The following SNX14 variants were observed in gnomAD, a reference collection of about 807,000 sequenced individuals.
The protein encoded by SNX14 is sorting nexin-14.
Under a neutral mutation model 133.8 loss-of-function variants are expected in SNX14, and 93 were observed. The ratio of observed to expected loss-of-function variants is 0.70; its 90% CI spans 0.59 to 0.83. SNX14 has a LOEUF of 0.83. SNX14 is among the 40% of genes least tolerant of loss of function. The pLI is 0.00. For synonymous variants in SNX14, 368 were observed against 365.6 expected, an observed-to-expected ratio of 1.01 and a Z score of -0.07; for missense variants, 945 against 1,094.9, an observed-to-expected ratio of 0.86 and a Z score of 1.93.
At chr6:85,572,418 A>T in intron 2 of SNX14, 44 bp from the exon 3 acceptor site, 3 of 1,375,528 alleles carry the variant, frequency 2.2e-6, no homozygotes, top group Non-Finnish European at 1.0e-6. Context: ...CCATCTTTAC[A>T]TAACATCTTT....
At chr6:85,515,054 C>T (rs1434174312) in intron 23 of SNX14, among the ~76,000 whole-genome samples, 1 of 152,006 alleles carries the variant, frequency 6.6e-6, no homozygotes, top group African/African-American at 2.4e-5. Context: ...CACCTGAGCT[C>T]GCAAGTTTGA....
intron 17 of SNX14, among the ~76,000 whole-genome samples, chr6:85,535,080 G>A (rs1484117355): frequency 7.1e-6 from 1 of 141,240 alleles, no homozygotes; most frequent in Admixed American, 7.4e-5. Context: ...CCAGGCTGTA[G>A]TACAGTGACA....
chr6:85,526,304 T>C, intron 20 of SNX14, 67 bp from the exon 21 acceptor site: 1 of 952,096 alleles, frequency 1.1e-6, no homozygotes, highest in Non-Finnish European at 1.6e-6. Flanking sequence ...AACTGTATTT[T>C]AATTTCTTTA....
chr6:85,547,468 T>C (rs1582825419), intron 10 of SNX14, 38 bp downstream of exon 10: 4 of 1,604,950 alleles, frequency 2.5e-6, no homozygotes, highest in Non-Finnish European at 3.4e-6. Context: ...CAAAATTCAA[T>C]GCAATCTGAA....
intron 5 of SNX14, among the ~76,000 whole-genome samples, chr6:85,566,521 A>C (rs879679047): frequency 5.3e-5 from 8 of 152,040 alleles, no homozygotes; most frequent in Non-Finnish European, 1.0e-4. Flanking sequence ...AACATGGGGA[A>C]ACCCCATCTC....
At chr6:85,552,803 A>T (rs1788287197) in intron 7 of SNX14, among the ~76,000 whole-genome samples, 1 of 152,168 alleles carries the variant, frequency 6.6e-6, no homozygotes, top group Non-Finnish European at 1.5e-5. Flanking sequence ...TTTCTTCCTG[A>T]GGGGCCTGGA....
chr6:85,582,291 G>A (rs1799280468), intron 1 of SNX14, among the ~76,000 whole-genome samples: 1 of 152,074 alleles, frequency 6.6e-6, no homozygotes, highest in Non-Finnish European at 1.5e-5. Context: ...GGAGAAATAA[G>A]GACTTTCCCA....
chr6:85,530,943 T>C (rs949385083), intron 18 of SNX14, among the ~76,000 whole-genome samples: 1 of 152,200 alleles, frequency 6.6e-6, no homozygotes, highest in Non-Finnish European at 1.5e-5. Context: ...TCTCAAATAT[T>C]TACCATATTG....
At chr6:85,559,143 T>C (rs929325503) in intron 6 of SNX14, among the ~76,000 whole-genome samples, 3 of 152,104 alleles carry the variant, frequency 2.0e-5, no homozygotes, top group African/African-American at 7.2e-5. Flanking sequence ...GTGATAAATC[T>C]AGTAAGTATG....
intron 28 of SNX14, 86 bp downstream of exon 28, chr6:85,507,147 G>A: frequency 4.9e-6 from 6 of 1,215,356 alleles, no homozygotes; most frequent in Non-Finnish European, 7.1e-6. Context: ...AGAGACAAGG[G>A]TTTTCTTACA....
intron 15 of SNX14, among the ~76,000 whole-genome samples, chr6:85,540,257 C>T (rs536500996): frequency 6.6e-6 from 1 of 152,290 alleles, no homozygotes; most frequent in South Asian, 2.1e-4. Context: ...CCATCACGCC[C>T]GGCCATCTAC....
chr6:85,575,166 T>C (rs1015764261), intron 1 of SNX14, among the ~76,000 whole-genome samples: 8 of 152,168 alleles, frequency 5.3e-5, no homozygotes, highest in Admixed American at 1.3e-4. Context: ...CCAAATAATA[T>C]AGTGTGATAT....
intron 26 of SNX14, among the ~76,000 whole-genome samples, chr6:85,509,536 T>C (rs1685808229): frequency 6.6e-6 from 1 of 152,188 alleles, no homozygotes; most frequent in African/African-American, 2.4e-5. Flanking sequence ...ACTTTACTTT[T>C]TAAAGTAGTT....
intron 4 of SNX14, among the ~76,000 whole-genome samples, chr6:85,569,388 C>T (rs1458947626): frequency 6.6e-6 from 1 of 152,154 alleles, no homozygotes; most frequent in Non-Finnish European, 1.5e-5. Flanking sequence ...CCACATCATC[C>T]TCTTGCATGA....
At chr6:85,515,670 C>T (rs1156719309) in intron 23 of SNX14, among the ~76,000 whole-genome samples, 1 of 152,088 alleles carries the variant, frequency 6.6e-6, no homozygotes, top group Non-Finnish European at 1.5e-5. Flanking sequence ...TTAACACAGA[C>T]ACATACTTAA....
At chr6:85,582,522 A>T (rs1320507874) in intron 1 of SNX14, among the ~76,000 whole-genome samples, 1 of 152,114 alleles carries the variant, frequency 6.6e-6, no homozygotes, top group Non-Finnish European at 1.5e-5. Flanking sequence ...GATTAGCAAA[A>T]TAGACCACTA....
rs576244055 is a variant in SNX14 at position 85,562,947 on chromosome 6, T to C, written c.549+2385A>G. ...AAACTGCCCTCAAATGTGAGAACTA[T>C]ACCAATTTGAATTTGAACTTGTTTT... is the stretch of plus-strand genomic sequence containing the variant. On this transcript the variant is annotated intron_variant, in intron 6 of 28. Transcript: ENST00000314673. Among the ~76,000 whole-genome samples the C allele has an allele frequency of 6.6e-5, 10 of 152,242 alleles. No homozygotes were observed. The South Asian group carries it at 1.7e-3, about 25-fold the overall frequency.
At chr6:85,575,491 G>A (rs746824174) in intron 1 of SNX14, among the ~76,000 whole-genome samples, 56 of 152,180 alleles carry the variant, frequency 3.7e-4, no homozygotes, top group African/African-American at 1.1e-3. Flanking sequence ...AGGAAACCAT[G>A]GAGTTGTGTT....
intron 2 of SNX14, among the ~76,000 whole-genome samples, chr6:85,573,101 G>A (rs539505290): frequency 6.6e-6 from 1 of 152,166 alleles, no homozygotes; most frequent in Non-Finnish European, 1.5e-5. Context: ...GGGGCACCAC[G>A]TTCAGTTGTG....
Sources: gnomAD v4.1 joint callset for allele counts (sites outside exome capture counted in the v4.1 genomes callset) on GRCh38, gnomAD v4.1.1 for gene constraint, MANE v1.5 for transcripts, NCBI Gene and HGNC (gene_info 2026-07-23, HGNC 2026-07-21) for gene names.